The following NR3C2 variants were observed in gnomAD, a reference collection of about 807,000 sequenced individuals.
NR3C2 encodes the protein mineralocorticoid receptor.
Under a neutral mutation model 86.4 loss-of-function variants are expected in NR3C2, and 15 were observed. The ratio of observed to expected loss-of-function variants is 0.17; its 90% confidence interval spans 0.12 to 0.27. NR3C2 has a LOEUF of 0.27. Among genes scored for constraint, NR3C2 ranks in the 10% least tolerant of loss-of-function variants. The pLI, the probability that NR3C2 is intolerant of heterozygous loss-of-function variation, is 1.00. For synonymous variants in NR3C2, 458 were observed against 450.5 expected (o/e 1.02, Z -0.21); for missense variants, 960 against 1,195.6 (o/e 0.80, Z 2.91).
chr4:148,172,416 CCA>C (rs1735171179), intron 4 of NR3C2, among the ~76,000 whole-genome samples: 1 of 151,930 alleles, frequency 6.6e-6, no homozygotes, highest in Non-Finnish European at 1.5e-5. Flanking sequence ...TAAGAAGTTG[CCA>C]AACTATGCTA....
At chr4:148,105,440 G>A (rs1578886977) in intron 8 of NR3C2, among the ~76,000 whole-genome samples, 1 of 152,082 alleles carries the variant, frequency 6.6e-6, no homozygotes, top group East Asian at 1.9e-4. Flanking sequence ...CGAATTCTAC[G>A]GGAGGTACAA....
chr4:148,409,928 C>T (rs945149846), intron 2 of NR3C2, among the ~76,000 whole-genome samples: 1 of 152,006 alleles, frequency 6.6e-6, no homozygotes, highest in Non-Finnish European at 1.5e-5. Context: ...TGGATAATTT[C>T]CCTAAAATCA....
At chr4:148,419,233 T>C (rs893650802) in intron 2 of NR3C2, among the ~76,000 whole-genome samples, 2 of 152,288 alleles carry the variant, frequency 1.3e-5, no homozygotes, top group Non-Finnish European at 2.9e-5. Flanking sequence ...AATGTTCTAT[T>C]GGTAGTGGAT....
intron 2 of NR3C2, among the ~76,000 whole-genome samples, chr4:148,416,803 T>C (rs534474304): frequency 2.0e-5 from 3 of 152,184 alleles, no homozygotes; most frequent in Non-Finnish European, 4.4e-5. Context: ...GAGATGAAGT[T>C]TTGCTCTTGT....
In NR3C2 at chr4:148,332,864, T is replaced by C. The variant is rs567491221; in HGVS notation, c.1758-72747A>G. On this transcript the variant is annotated intron_variant, in intron 2 of 8. Transcript: ENST00000358102. ...TTTGGAGGGTGTGTTAGAGTGTGTA[T>C]GTGTATGTGTTTCGACATAAGGCTA... is the stretch of plus-strand genomic sequence containing the variant. Among the ~76,000 whole-genome samples the C allele has an allele frequency of 3.7e-3, 563 of 152,320 alleles. 3 individuals are homozygous for C. The highest frequency in any genetic ancestry group is 0.013 in the African/African-American group (532 of 41,574).
intron 2 of NR3C2, among the ~76,000 whole-genome samples, chr4:148,398,612 C>T (rs1747978366): frequency 6.6e-6 from 1 of 152,036 alleles, no homozygotes; most frequent in Non-Finnish European, 1.5e-5. Flanking sequence ...AGTAATTTGC[C>T]CAAGACCACA....
intron 2 of NR3C2, among the ~76,000 whole-genome samples, chr4:148,327,399 C>T (rs1205663430): frequency 2.0e-5 from 3 of 152,084 alleles, no homozygotes; most frequent in Non-Finnish European, 4.4e-5. Context: ...TCCTGAAATG[C>T]GAGTTCAACC....
intron 2 of NR3C2, among the ~76,000 whole-genome samples, chr4:148,338,706 G>T (rs1349220906): frequency 6.6e-6 from 1 of 152,054 alleles, no homozygotes; most frequent in Non-Finnish European, 1.5e-5. Flanking sequence ...GCCCCAAGAG[G>T]GTATCTTCTC....
intron 8 of NR3C2, among the ~76,000 whole-genome samples, chr4:148,089,412 C>G (rs1730963164): frequency 1.3e-5 from 2 of 152,198 alleles, no homozygotes; most frequent in South Asian, 4.1e-4. Context: ...AGAGTTGTTT[C>G]AGAGGAATGA....
intron 8 of NR3C2, among the ~76,000 whole-genome samples, chr4:148,084,076 G>A (rs954011064): frequency 1.3e-5 from 2 of 152,184 alleles, no homozygotes; most frequent in East Asian, 1.9e-4. Flanking sequence ...GGGGAGAATA[G>A]AACCAAGTTG....
chr4:148,115,544 T>A (rs1048867955), intron 7 of NR3C2, among the ~76,000 whole-genome samples: 1 of 152,236 alleles, frequency 6.6e-6, no homozygotes, highest in Non-Finnish European at 1.5e-5. Flanking sequence ...GTGTAAATAA[T>A]TATTTACTTT....
intron 3 of NR3C2, among the ~76,000 whole-genome samples, chr4:148,229,315 T>G (rs1738343527): frequency 6.6e-6 from 1 of 152,162 alleles, no homozygotes; most frequent in African/African-American, 2.4e-5. Flanking sequence ...TGGGAGCCTG[T>G]TGGCAGAACC....
chr4:148,395,645 A>G (rs1367673023), intron 2 of NR3C2, among the ~76,000 whole-genome samples: 1 of 152,258 alleles, frequency 6.6e-6, no homozygotes, highest in African/African-American at 2.4e-5. Flanking sequence ...CTCATTGTAC[A>G]TAATATTGAA....
intron 3 of NR3C2, among the ~76,000 whole-genome samples, chr4:148,234,062 T>G (rs940790277): frequency 9.2e-5 from 14 of 152,140 alleles, no homozygotes; most frequent in African/African-American, 2.9e-4. Flanking sequence ...TAAAGATCAT[T>G]GAAATAAGTG....
rs1735953438 is a variant in NR3C2 at position 148,187,027 on chromosome 4, TA to T, written c.2014+7718del. On this transcript the variant is annotated intron_variant, in intron 4 of 8. Coordinates refer to ENST00000358102, the MANE Select transcript of NR3C2 (RefSeq NM_000901.5). ...ATATATATATATATATATATATATATATATATATATATATATAAAGAAACTG... is the reference window on the plus strand; with the variant it reads ...ATATATATATATATATATATATATATTATATATATATATATAAAGAAACTG... Among the ~76,000 whole-genome samples, 6 of 123,942 alleles carry T rather than the reference TA, an allele frequency of 4.8e-5. No homozygotes were observed. The Admixed American group carries it at 4.9e-4, about 10-fold the overall frequency. 81.3% of individuals were successfully genotyped at this position (123,942 alleles called of 152,430 possible).
At chr4:148,445,264 G>T (rs531693741), upstream of NR3C2, among the ~76,000 whole-genome samples, 1 of 151,822 alleles carries the variant, frequency 6.6e-6, no homozygotes, top group Non-Finnish European at 1.5e-5. Flanking sequence ...GACCTCGCGC[G>T]GGGGGCGGGA....
chr4:148,284,504 T>A (rs1226199120), intron 2 of NR3C2, among the ~76,000 whole-genome samples: 1 of 152,210 alleles, frequency 6.6e-6, no homozygotes, highest in African/African-American at 2.4e-5. Flanking sequence ...CTTTTACCTA[T>A]ACAAATGATA....
intron 2 of NR3C2, among the ~76,000 whole-genome samples, chr4:148,336,788 GA>G (rs1159797952): frequency 6.6e-6 from 1 of 152,024 alleles, no homozygotes; most frequent in Non-Finnish European, 1.5e-5. Flanking sequence ...GCCAAGTTTT[GA>G]TTTGTTTTTT....
intron 2 of NR3C2, among the ~76,000 whole-genome samples, chr4:148,261,207 G>A (rs891905993): frequency 7.2e-5 from 11 of 151,862 alleles, no homozygotes; most frequent in African/African-American, 1.2e-4. Context: ...TATGGTAAGC[G>A]CTATGGTAAG....
Sources: gnomAD v4.1 joint callset for allele counts (sites outside exome capture counted in the v4.1 genomes callset) on GRCh38, gnomAD v4.1.1 for gene constraint, MANE v1.5 for transcripts, NCBI Gene and HGNC (gene_info 2026-07-23, HGNC 2026-07-21) for gene names.